Variants in AGBL4 observed in about 807,000 individuals in gnomAD.
AGBL4 encodes the protein cytosolic carboxypeptidase 6.
In AGBL4, 58 loss-of-function variants were observed where a neutral mutation model predicts 66.4. The observed-to-expected ratio is 0.87, with a 90% confidence interval of 0.71 to 1.09. The LOEUF is 1.09. Ranked by LOEUF, AGBL4 falls within the 50% of genes least tolerant of loss-of-function variation. AGBL4 has a pLI of 0.00. For synonymous variants in AGBL4, 234 were observed against 222.9 expected (o/e 1.05, Z -0.44); for missense variants, 579 against 631.0 (o/e 0.92, Z 0.88).
At chr1:49,849,589 G>A (rs1008587997) in intron 2 of AGBL4, among the ~76,000 whole-genome samples, 28 of 151,546 alleles carry the variant, frequency 1.8e-4, no homozygotes, top group Non-Finnish European at 1.0e-4. Flanking sequence ...GCCAAGATTT[G>A]AACCACAGCC....
chr1:48,812,836 C>A (rs1438853834), intron 6 of AGBL4, among the ~76,000 whole-genome samples: 1 of 152,030 alleles, frequency 6.6e-6, no homozygotes, highest in Non-Finnish European at 1.5e-5. Context: ...TGGAAACCAT[C>A]ATTCTCAGCA....
intron 2 of AGBL4, among the ~76,000 whole-genome samples, chr1:49,712,728 T>A (rs189176145): frequency 3.9e-5 from 6 of 152,060 alleles, no homozygotes; most frequent in African/African-American, 4.8e-5. Context: ...ACAATTTTTT[T>A]AAAAAGAAGA....
intron 9 of AGBL4, among the ~76,000 whole-genome samples, chr1:48,592,908 G>A (rs771757711): frequency 4.6e-5 from 7 of 152,012 alleles, no homozygotes; most frequent in South Asian, 2.1e-4. Flanking sequence ...ATTTATGGGC[G>A]TACAAGTGTA....
intron 2 of AGBL4, among the ~76,000 whole-genome samples, chr1:49,753,725 C>A (rs182424979): frequency 6.6e-6 from 1 of 152,314 alleles, no homozygotes; most frequent in Admixed American, 6.5e-5. Flanking sequence ...TAGGTCTGGT[C>A]TTTTCACATA....
intron 3 of AGBL4, among the ~76,000 whole-genome samples, chr1:49,479,634 C>A (rs752670144): frequency 2.6e-5 from 4 of 151,634 alleles, no homozygotes; most frequent in Non-Finnish European, 5.9e-5. Context: ...AGGACACGAT[C>A]TCTTTCTTTT....
chr1:48,528,977 C>G (rs1296275555), downstream of AGBL4, among the ~76,000 whole-genome samples: 2 of 152,092 alleles, frequency 1.3e-5, no homozygotes, highest in Admixed American at 1.3e-4. Context: ...CACTGTCTTC[C>G]CATTTGTTCA....
chr1:49,556,010 T>C lies in AGBL4; in HGVS notation c.282+141303A>G, dbSNP rs1281588060. Among the ~76,000 whole-genome samples the C allele has an allele frequency of 2.0e-5, 3 of 152,246 alleles. No homozygotes were observed. In the South Asian group the frequency reaches 6.2e-4, roughly 32 times the overall value. Reference sequence around the variant, plus strand: ...TCTAGAACTAGAAATACCATTTGACTCAACTATCCCATTACTGGGTATATA... The same window carrying C: ...TCTAGAACTAGAAATACCATTTGACCCAACTATCCCATTACTGGGTATATA... On this transcript the variant is annotated intron_variant, in intron 3 of 13. Coordinates refer to ENST00000371839, the MANE Select transcript of AGBL4 (RefSeq NM_032785.4).
At chr1:49,464,850 T>C (rs1179824896) in intron 3 of AGBL4, among the ~76,000 whole-genome samples, 1 of 151,650 alleles carries the variant, frequency 6.6e-6, no homozygotes, top group East Asian at 1.9e-4. Context: ...GTGGGCTCCA[T>C]GATGAGAGAA....
chr1:49,147,688 TA>T (rs993532837), intron 4 of AGBL4, among the ~76,000 whole-genome samples: 2 of 151,976 alleles, frequency 1.3e-5, no homozygotes, highest in African/African-American at 4.8e-5. Flanking sequence ...CTTGTTTACT[TA>T]AAAAAAGGAA....
At chr1:48,650,110 C>T (rs1470727994) in intron 8 of AGBL4, among the ~76,000 whole-genome samples, 1 of 152,220 alleles carries the variant, frequency 6.6e-6, no homozygotes, top group Non-Finnish European at 1.5e-5. Context: ...AGTGAGGTGC[C>T]TCAGGGCAGG....
At chr1:49,290,168 T>C (rs1193059039) in intron 3 of AGBL4, among the ~76,000 whole-genome samples, 9 of 152,196 alleles carry the variant, frequency 5.9e-5, no homozygotes, top group African/African-American at 1.9e-4. Flanking sequence ...GCTGAGACTA[T>C]GGCATGTAAT....
chr1:48,944,139 G>A (rs1656251188), intron 5 of AGBL4, among the ~76,000 whole-genome samples: 1 of 152,148 alleles, frequency 6.6e-6, no homozygotes, highest in Non-Finnish European at 1.5e-5. Flanking sequence ...AATAGTCAAG[G>A]TAACAGCATA....
intron 1 of AGBL4, among the ~76,000 whole-genome samples, chr1:49,936,473 G>A (rs1654039188): frequency 6.6e-6 from 1 of 152,102 alleles, no homozygotes; most frequent in South Asian, 2.1e-4. Flanking sequence ...TTCAGATTCA[G>A]GAAATACAGA....
chr1:49,371,240 GATAGATAGATAC>G lies in AGBL4; in HGVS notation c.283-125388_283-125377del, dbSNP rs1409185988. On this transcript the variant is annotated intron_variant, in intron 3 of 13. Transcript: ENST00000371839. ...AGATAGATAGATATATAGATAGATAGATAGATAGATACATACATACATACATACATACATACA... is the reference window on the plus strand; with the variant it reads ...AGATAGATAGATATATAGATAGATAGATACATACATACATACATACATACA... Among the ~76,000 whole-genome samples, 13 of 136,020 alleles carry G rather than the reference GATAGATAGATAC, an allele frequency of 9.6e-5. No individual in the cohort carries two copies. In the South Asian group the frequency reaches 1.3e-3, roughly 14 times the overall value. The allele number at this position is 136,020 out of a possible 152,430, so 89.2% of individuals were successfully genotyped here.
rs931125090 is a variant in AGBL4 at position 49,851,526 on chromosome 1, A to G, written c.35-8T>C. ...CATTTCCCATATCATTGCCTATTTA[A>G]AAAAATTGAAATAAAAGTCAAAGTA... On this transcript the variant is annotated splice_region_variant and splice_polypyrimidine_tract_variant and intron_variant, in intron 1 of 13. Coordinates refer to ENST00000371839, the MANE Select transcript of AGBL4 (RefSeq NM_032785.4). 4 of 1,543,194 alleles carry G rather than the reference A, an allele frequency of 2.6e-6. No individual in the cohort carries two copies. Among genetic ancestry groups the G allele is most frequent in the Non-Finnish European group, 3.5e-6 (4 of 1,144,226 alleles).
At chr1:48,833,182 G>A (rs1275977415) in intron 6 of AGBL4, among the ~76,000 whole-genome samples, 1 of 152,186 alleles carries the variant, frequency 6.6e-6, no homozygotes, top group African/African-American at 2.4e-5. Flanking sequence ...ACTGGGTAGT[G>A]TGCAGAGGCT....
chr1:49,307,558 T>C (rs1291972716), intron 3 of AGBL4, among the ~76,000 whole-genome samples: 2 of 152,178 alleles, frequency 1.3e-5, no homozygotes, highest in Admixed American at 6.6e-5. Flanking sequence ...TTTATTGTTT[T>C]ATGTTGAGAA....
chr1:49,722,536 T>C (rs1648687792), intron 2 of AGBL4, among the ~76,000 whole-genome samples: 1 of 152,156 alleles, frequency 6.6e-6, no homozygotes, highest in South Asian at 2.1e-4. Flanking sequence ...ATAATTAATG[T>C]TTTATATGTC....
chr1:49,391,045 A>C (rs1008524174), intron 3 of AGBL4, among the ~76,000 whole-genome samples: 1 of 152,144 alleles, frequency 6.6e-6, no homozygotes, highest in African/African-American at 2.4e-5. Flanking sequence ...TTCTTAGAAA[A>C]GAGTGCTGAA....
Sources: allele counts gnomAD v4.1 joint callset (sites outside exome capture counted in the v4.1 genomes callset), GRCh38; gene constraint gnomAD v4.1.1; transcripts MANE v1.5; gene names NCBI Gene and HGNC (gene_info 2026-07-23, HGNC 2026-07-21).